Variants in TCF4 observed in about 807,000 individuals in gnomAD.
TCF4 encodes the protein transcription factor 4.
Under a neutral mutation model 82.1 loss-of-function variants are expected in TCF4, and 3 were observed. The ratio of observed to expected loss-of-function variants is 0.04; its 90% confidence interval spans 0.02 to 0.09. TCF4 has a LOEUF of 0.09. TCF4 is among the 10% of genes least tolerant of loss of function. TCF4 has a pLI of 1.00. For synonymous variants in TCF4, 276 were observed against 309.6 expected (o/e 0.89, Z 1.14); for missense variants, 518 against 852.7 (o/e 0.61, Z 4.89).
intron 8 of TCF4, among the ~76,000 whole-genome samples, chr18:55,290,415 C>G (rs1226286813): frequency 6.6e-6 from 1 of 152,174 alleles, no homozygotes; most frequent in African/African-American, 2.4e-5. Context: ...CACTCCCTGT[C>G]TTTGGGAAAT....
chr18:55,490,054 G>C (rs1050279967), intron 3 of TCF4, among the ~76,000 whole-genome samples: 2 of 152,130 alleles, frequency 1.3e-5, no homozygotes. Context: ...AAACCTTTTT[G>C]TGGGTAAAAT....
chr18:55,305,987 C>T (rs997377215), intron 8 of TCF4, among the ~76,000 whole-genome samples: 4 of 152,140 alleles, frequency 2.6e-5, no homozygotes, highest in African/African-American at 4.8e-5. Flanking sequence ...CTTCATTTAC[C>T]GTGCCCCTTC....
At chr18:55,527,710 C>A (rs989134624) in intron 3 of TCF4, among the ~76,000 whole-genome samples, 1 of 152,076 alleles carries the variant, frequency 6.6e-6, no homozygotes, top group African/African-American at 2.4e-5. Context: ...AAAGAGAGTT[C>A]TTTTTAGGAA....
rs936145802 is a variant in TCF4 at position 55,445,287 on chromosome 18, T to C, written c.304+15732A>G. Among the ~76,000 whole-genome samples, 12 of 152,146 alleles carry C rather than the reference T, an allele frequency of 7.9e-5. No individual in the cohort carries two copies. In the East Asian group the frequency reaches 1.5e-3, roughly 20 times the overall value. On this transcript the variant is annotated intron_variant, in intron 5 of 19. Coordinates refer to ENST00000354452, the MANE Select transcript of TCF4 (RefSeq NM_001083962.2). Reference sequence around the variant, plus strand: ...TCACCTGTGTATTAGAGCATTTTTATACTGCTATGAAGAAATACCGGAGAT... The same window carrying C: ...TCACCTGTGTATTAGAGCATTTTTACACTGCTATGAAGAAATACCGGAGAT...
chr18:55,572,273 A>G (rs192471686), intron 3 of TCF4, among the ~76,000 whole-genome samples: 2 of 152,392 alleles, frequency 1.3e-5, no homozygotes, highest in Admixed American at 1.3e-4. Context: ...CCAATAATGG[A>G]AAGAAAAAAA....
intron 2 of TCF4, among the ~76,000 whole-genome samples, chr18:55,617,107 T>A (rs944492468): frequency 6.6e-6 from 1 of 152,128 alleles, no homozygotes; most frequent in Non-Finnish European, 1.5e-5. Context: ...TACATTTAAA[T>A]CTCAAATTTT....
chr18:55,541,246 A>G (rs897861552), intron 3 of TCF4, among the ~76,000 whole-genome samples: 1 of 152,018 alleles, frequency 6.6e-6, no homozygotes, highest in Non-Finnish European at 1.5e-5. Flanking sequence ...TTAATGTAGT[A>G]ATCACAATTG....
chr18:55,293,930 A>AGTTT (rs1568769774), intron 8 of TCF4, among the ~76,000 whole-genome samples: 1 of 22,660 alleles, frequency 4.4e-5, no homozygotes, highest in African/African-American at 1.1e-4. Context: ...CTTTCCAAGG[A>AGTTT]CTTTTTTTTT....
At chr18:55,607,325 A>G (rs765372512) in intron 2 of TCF4, among the ~76,000 whole-genome samples, 2 of 152,236 alleles carry the variant, frequency 1.3e-5, no homozygotes, top group Non-Finnish European at 2.9e-5. Flanking sequence ...CAAACGATCA[A>G]TTGAATTTGA....
upstream of TCF4, chr18:55,588,580 CTTCT>C (rs1331807361): frequency 9.2e-6 from 14 of 1,522,688 alleles, no homozygotes; most frequent in Non-Finnish European, 1.1e-5. Flanking sequence ...CATCCCCTCA[CTTCT>C]TTCTTTCTCT....
chr18:55,380,733 C>A (rs200697315), intron 6 of TCF4, among the ~76,000 whole-genome samples: 1 of 152,234 alleles, frequency 6.6e-6, no homozygotes, highest in East Asian at 1.9e-4. Context: ...AAAACACTCC[C>A]ACTGTGGTCA....
At chr18:55,274,349 T>C (rs2061029013) in intron 10 of TCF4, among the ~76,000 whole-genome samples, 1 of 152,174 alleles carries the variant, frequency 6.6e-6, no homozygotes. Flanking sequence ...TGGGAGGTGA[T>C]ACAAAAAGGC....
At chr18:55,513,231 T>C (rs906593630) in intron 3 of TCF4, among the ~76,000 whole-genome samples, 1 of 152,206 alleles carries the variant, frequency 6.6e-6, no homozygotes, top group African/African-American at 2.4e-5. Flanking sequence ...TACTGGACAG[T>C]GATTTCTGCA....
At chr18:55,276,681 G>A (rs1255252950) in intron 9 of TCF4, among the ~76,000 whole-genome samples, 1 of 152,066 alleles carries the variant, frequency 6.6e-6, no homozygotes, top group Non-Finnish European at 1.5e-5. Flanking sequence ...TGTTTCAATA[G>A]TTTAACAAAA....
chr18:55,550,453 T>A (rs1182827463), intron 3 of TCF4: 1 of 152,150 alleles, frequency 6.6e-6, no homozygotes, highest in Admixed American at 6.5e-5. Context: ...TGTTGCTGAT[T>A]GGGATCACAT....
chr18:55,379,967 G>A (rs1455561981), intron 6 of TCF4, among the ~76,000 whole-genome samples: 6 of 152,088 alleles, frequency 3.9e-5, no homozygotes, highest in South Asian at 2.1e-4. Context: ...TCGACTTTCC[G>A]GGCTCAGCTG....
At chr18:55,598,325 C>G (rs1411198877) in intron 2 of TCF4, among the ~76,000 whole-genome samples, 1 of 152,154 alleles carries the variant, frequency 6.6e-6, no homozygotes, top group East Asian at 1.9e-4. Context: ...TGAGAAGAAC[C>G]AAAAGACTAA....
chr18:55,228,025 T>C lies in TCF4; in HGVS notation c.*10A>G, dbSNP rs1599336148. On this transcript the variant is annotated 3_prime_UTR_variant, in exon 20 of 20. Coordinates refer to ENST00000354452, the MANE Select transcript of TCF4 (RefSeq NM_001083962.2). Reference sequence around the variant, plus strand: ...TGTTTTAATGAAGCAATGTGGCAACTTGGACCTGAGAAAGGAAAAAAGAGA... The same window carrying C: ...TGTTTTAATGAAGCAATGTGGCAACCTGGACCTGAGAAAGGAAAAAAGAGA... 3.2e-6 allele frequency: 2 copies of C among 634,356 alleles called. No homozygotes were observed. Among genetic ancestry groups the C allele is most frequent in the Admixed American group, 3.0e-5 (1 of 33,388 alleles). 39.3% of individuals were successfully genotyped at this position (634,356 alleles called of 1,614,324 possible).
chr18:55,374,708 T>G (rs2090268480), intron 6 of TCF4, among the ~76,000 whole-genome samples: 1 of 151,726 alleles, frequency 6.6e-6, no homozygotes, highest in Non-Finnish European at 1.5e-5. Context: ...AAGACCAGCA[T>G]GAGCAACATG....
Sources: gnomAD v4.1 joint callset for allele counts (sites outside exome capture counted in the v4.1 genomes callset) on GRCh38, gnomAD v4.1.1 for gene constraint, MANE v1.5 for transcripts, NCBI Gene and HGNC (gene_info 2026-07-23, HGNC 2026-07-21) for gene names.